The following ARHGAP44 variants were observed in gnomAD, a reference collection of about 807,000 sequenced individuals.
The protein encoded by ARHGAP44 is Rho GTPase activating protein 44.
A neutral mutation model predicts 106.8 loss-of-function variants in ARHGAP44; 43 were observed. The observed-to-expected ratio is 0.40, with a 90% CI of 0.32 to 0.52. The LOEUF is 0.52. ARHGAP44 is among the 20% of genes least tolerant of loss of function. The probability of loss-of-function intolerance (pLI) is 0.48; values close to 1 mark genes in which losing one functional copy is unlikely to be tolerated. For missense variants in ARHGAP44, 866 were observed against 1,050.5 expected, an observed-to-expected ratio of 0.82 and a Z score of 2.43; for synonymous variants, 439 against 410.3, an observed-to-expected ratio of 1.07 and a Z score of -0.85.
chr17:12,810,923 A>G (rs2034419862), intron 1 of ARHGAP44, among the ~76,000 whole-genome samples: 1 of 152,240 alleles, frequency 6.6e-6, no homozygotes, highest in South Asian at 2.1e-4. Flanking sequence ...AAGTGTTACC[A>G]TAACACAAAC....
chr17:12,948,534 G>C (rs985253626), intron 10 of ARHGAP44, among the ~76,000 whole-genome samples: 2 of 152,056 alleles, frequency 1.3e-5, no homozygotes, highest in African/African-American at 4.8e-5. Flanking sequence ...AGCTGGACAT[G>C]GTGGCGGGTG....
At chr17:12,800,064 T>C (rs991774642) in intron 1 of ARHGAP44, among the ~76,000 whole-genome samples, 2 of 152,232 alleles carry the variant, frequency 1.3e-5, no homozygotes, top group African/African-American at 4.8e-5. Flanking sequence ...AGATAGTAAA[T>C]ATCATATCCT....
chr17:12,912,127 A>T (rs1357325330), intron 4 of ARHGAP44, among the ~76,000 whole-genome samples: 1 of 152,258 alleles, frequency 6.6e-6, no homozygotes, highest in Non-Finnish European at 1.5e-5. Context: ...AGCTTGGAAG[A>T]AACAGATTGT....
At position 12,984,597 on chromosome 17, in the gene ARHGAP44, A is replaced by T; in HGVS notation, c.2006A>T (p.Gln669Leu). ...PFGQPGAMAD[Q>L]SAGQPSPVSL... ...GGCCAGCCGGGGGCTATGGCAGACC[A>T]GTCCGCTGGCCAGCCGTCCCCAGTC... Residue 669 changes from glutamine (Q) to leucine (L), a missense_variant, in exon 20 of 21, where the codon CAG (glutamine) becomes CTG (leucine). Gln to Leu is a moderately radical substitution (Grantham distance 113, BLOSUM62 -2). Around this residue, in one of 2 missense-constraint regions of ARHGAP44, gnomAD observed 418 missense variants for 403.6 expected, o/e 1.04. Coordinates refer to ENST00000379672, the MANE Select transcript of ARHGAP44 (RefSeq NM_014859.6). 2 of 1,605,082 alleles carry T rather than the reference A, an allele frequency of 1.2e-6. No homozygotes were observed. The highest frequency in any genetic ancestry group is 1.7e-6 in the Non-Finnish European group (2 of 1,176,226).
At chr17:12,868,591 T>TTTTA (rs1278978418) in intron 1 of ARHGAP44, among the ~76,000 whole-genome samples, 4 of 47,142 alleles carry the variant, frequency 8.5e-5, no homozygotes, top group African/African-American at 1.3e-4. Context: ...TATATGCATT[T>TTTTA]TATATATATA....
At chr17:12,845,390 C>T (rs2035534694) in intron 1 of ARHGAP44, among the ~76,000 whole-genome samples, 1 of 151,660 alleles carries the variant, frequency 6.6e-6, no homozygotes, top group Non-Finnish European at 1.5e-5. Flanking sequence ...TGCCTGTAAT[C>T]TCAGCTACTC....
rs147294621 is a variant in ARHGAP44 at position 12,882,243 on chromosome 17, G to A, written c.54-12697G>A. Among the ~76,000 whole-genome samples the A allele has an allele frequency of 4.5e-3, 686 of 152,056 alleles. 3 individuals carry two copies. Among genetic ancestry groups the A allele is most frequent in the Non-Finnish European group, 8.1e-3 (548 of 67,982 alleles). ...TAAATTTATTTCAAGTTTCTTTGCT[G>A]TATGGAATGAATTTTTAAATTAGAC... is the stretch of plus-strand genomic sequence containing the variant. On this transcript the variant is annotated intron_variant, in intron 1 of 20. Coordinates refer to ENST00000379672, the MANE Select transcript of ARHGAP44 (RefSeq NM_014859.6).
Position 12,949,841 on chromosome 17 carries a change from C to G in ARHGAP44, c.1055+111C>G, listed in dbSNP as rs1203673849. The G allele has an allele frequency of 2.8e-6, 3 of 1,076,488 alleles. No individual in the cohort carries two copies. The highest frequency in any genetic ancestry group is 4.1e-6 in the Non-Finnish European group (3 of 732,504). 66.7% of individuals were successfully genotyped at this position (1,076,488 alleles called of 1,614,324 possible). On this transcript the variant is annotated intron_variant, in intron 12 of 20. Transcript: ENST00000379672. This position sits in a 1 kb window ranked among gnomAD's most constrained non-coding sequence, Gnocchi z 4.1. ...ATCTCGCAACCCCGTTTCTTGATCT[C>G]TGCCATGAAGGAGTGCTTATACATT...
Position 12,980,217 on chromosome 17 carries a change from T to G in ARHGAP44, c.1923T>G (p.Pro641=), listed in dbSNP as rs1014985091. 2.5e-6 allele frequency: 4 copies of G among 1,612,526 alleles called. No individual in the cohort carries two copies. The African/African-American group carries it at 5.3e-5, about 22-fold the overall frequency. ...SPSQPPADQS[P]HTLRKVSKKL... Reference sequence around the variant, plus strand: ...GCCAGCCGCCTGCAGACCAGAGTCCTCACACCCTCCGGAAAGGTATGGCCC... The same window carrying G: ...GCCAGCCGCCTGCAGACCAGAGTCCGCACACCCTCCGGAAAGGTATGGCCC... The change falls in exon 19 of 21, where the codon CCT becomes CCG. Residue 641 remains proline, a synonymous_variant. Coordinates refer to ENST00000379672, the MANE Select transcript of ARHGAP44 (RefSeq NM_014859.6).
intron 1 of ARHGAP44, among the ~76,000 whole-genome samples, chr17:12,844,708 C>T (rs909299114): frequency 2.0e-5 from 3 of 152,266 alleles, no homozygotes; most frequent in African/African-American, 7.2e-5. Flanking sequence ...TAATGAAAAA[C>T]TCACTCATTT....
intron 1 of ARHGAP44, among the ~76,000 whole-genome samples, chr17:12,812,610 T>C (rs933879381): frequency 1.2e-4 from 19 of 152,170 alleles, no homozygotes; most frequent in Non-Finnish European, 5.9e-5. Context: ...ATGCTCAACA[T>C]GTTATATGTA....
At chr17:12,863,314 C>G (rs1179981066) in intron 1 of ARHGAP44, among the ~76,000 whole-genome samples, 1 of 151,840 alleles carries the variant, frequency 6.6e-6, no homozygotes, top group African/African-American at 2.4e-5. Flanking sequence ...ATTGCTAATC[C>G]TATTATATAC....
At chr17:12,869,077 A>G (rs907813344) in intron 1 of ARHGAP44, among the ~76,000 whole-genome samples, 1 of 152,224 alleles carries the variant, frequency 6.6e-6, no homozygotes, top group African/African-American at 2.4e-5. Flanking sequence ...AGGTTAAAAC[A>G]TCTTATTTTT....
At chr17:12,920,828 A>G (rs984978890) in intron 6 of ARHGAP44, among the ~76,000 whole-genome samples, 6 of 152,134 alleles carry the variant, frequency 3.9e-5, no homozygotes, top group African/African-American at 1.4e-4. Context: ...TTCCACACCC[A>G]TCTTCCAGAG....
chr17:12,932,953 C>T (rs1469859737), intron 7 of ARHGAP44, among the ~76,000 whole-genome samples: 5 of 152,148 alleles, frequency 3.3e-5, no homozygotes, highest in African/African-American at 1.2e-4. Flanking sequence ...CTTGGCTAGT[C>T]TGTTACATCC....
intron 1 of ARHGAP44, among the ~76,000 whole-genome samples, chr17:12,797,278 G>C (rs1434221193): frequency 1.3e-5 from 2 of 151,976 alleles, no homozygotes; most frequent in Non-Finnish European, 2.9e-5. Flanking sequence ...TTTACCTTCA[G>C]ATCTCTAGTG....
At chr17:12,956,814 C>T in intron 15 of ARHGAP44, 68 bp downstream of exon 15, 3 of 1,429,316 alleles carry the variant, frequency 2.1e-6, no homozygotes, top group Non-Finnish European at 2.0e-6. Context: ...AGTTCTGAGC[C>T]TTTGAAGCCA....
chr17:12,924,186 A>C (rs1297994873), intron 6 of ARHGAP44, among the ~76,000 whole-genome samples: 2 of 152,316 alleles, frequency 1.3e-5, no homozygotes, highest in Non-Finnish European at 2.9e-5. Context: ...CACAATTCTG[A>C]TGGATACTGT....
intron 18 of ARHGAP44, 123 bp from the exon 19 acceptor site, chr17:12,979,935 G>C (rs1341294842): frequency 2.8e-6 from 3 of 1,090,450 alleles, no homozygotes; most frequent in African/African-American, 3.2e-5. Context: ...GGCCAAGACA[G>C]ACCAGAGCTG....
Sources: allele counts gnomAD v4.1 joint callset (sites outside exome capture counted in the v4.1 genomes callset), GRCh38; gene constraint gnomAD v4.1.1; regional missense constraint gnomAD v4.1.1; non-coding constraint Gnocchi (gnomAD v3.1); transcripts MANE v1.5; gene names NCBI Gene and HGNC (gene_info 2026-07-23, HGNC 2026-07-21).